Variants in PDGFC observed in about 807,000 individuals in gnomAD.
PDGFC encodes platelet derived growth factor C, also known as platelet-derived growth factor C.
Under a neutral mutation model 35.5 loss-of-function variants are expected in PDGFC, and 12 were observed. The ratio of observed to expected loss-of-function variants is 0.34; its 90% CI spans 0.22 to 0.55. PDGFC has a LOEUF of 0.55. Among genes scored for constraint, PDGFC ranks in the 20% least tolerant of loss-of-function variants. PDGFC has a pLI of 0.91. For synonymous variants in PDGFC, 159 were observed against 148.8 expected (o/e 1.07, Z -0.50); for missense variants, 322 against 412.4 (o/e 0.78, Z 1.90).
intron 1 of PDGFC, among the ~76,000 whole-genome samples, chr4:156,854,118 A>G (rs913710770): frequency 6.6e-6 from 1 of 152,208 alleles, no homozygotes; most frequent in African/African-American, 2.4e-5. Context: ...AGGTACTTAT[A>G]GTAATTTATA....
intron 1 of PDGFC, among the ~76,000 whole-genome samples, chr4:156,896,162 CAT>C (rs1157856490): frequency 6.6e-6 from 1 of 152,026 alleles, no homozygotes; most frequent in African/African-American, 2.4e-5. Context: ...AATTCAGAAA[CAT>C]ATAGAGTATA....
chr4:156,930,254 G>A (rs1357638965), intron 1 of PDGFC, among the ~76,000 whole-genome samples: 1 of 152,100 alleles, frequency 6.6e-6, no homozygotes, highest in Admixed American at 6.5e-5. Flanking sequence ...GATTTTTCCA[G>A]GCAGACCTGT....
At chr4:156,872,310 G>A (rs1457590944) in intron 1 of PDGFC, among the ~76,000 whole-genome samples, 2 of 152,284 alleles carry the variant, frequency 1.3e-5, no homozygotes, top group South Asian at 2.1e-4. Context: ...CTATGGCACA[G>A]AAGACAGGCA....
At chr4:156,858,462 C>G (rs993876519) in intron 1 of PDGFC, among the ~76,000 whole-genome samples, 1 of 151,988 alleles carries the variant, frequency 6.6e-6, no homozygotes, top group Non-Finnish European at 1.5e-5. Flanking sequence ...ATTGCATACA[C>G]ACACAATTGC....
At chr4:156,891,704 TTAAGTAC>T (rs1730515483) in intron 1 of PDGFC, among the ~76,000 whole-genome samples, 1 of 93,202 alleles carries the variant, frequency 1.1e-5, no homozygotes, top group Non-Finnish European at 2.1e-5. Context: ...ATAAATAACA[TTAAGTAC>T]AGATTCAGCT....
chr4:156,867,596 T>C (rs1227442761), intron 1 of PDGFC, among the ~76,000 whole-genome samples: 1 of 152,162 alleles, frequency 6.6e-6, no homozygotes, highest in African/African-American at 2.4e-5. Flanking sequence ...CCACACCCTG[T>C]TGTTACCTTA....
At chr4:156,806,047 C>T (rs1361032020) in intron 3 of PDGFC, among the ~76,000 whole-genome samples, 1 of 151,992 alleles carries the variant, frequency 6.6e-6, no homozygotes, top group African/African-American at 2.4e-5. Context: ...TACTTACATA[C>T]TATACTATAT....
At chr4:156,789,126 C>T (rs1255848533) in intron 3 of PDGFC, among the ~76,000 whole-genome samples, 1 of 152,144 alleles carries the variant, frequency 6.6e-6, no homozygotes, top group African/African-American at 2.4e-5. Flanking sequence ...TCCACTGCTA[C>T]AATCTGAAAA....
chr4:156,969,712 CAAGT>C (rs1444943941), intron 1 of PDGFC, among the ~76,000 whole-genome samples: 1 of 152,138 alleles, frequency 6.6e-6, no homozygotes, highest in African/African-American at 2.4e-5. Context: ...CATGGTTAAT[CAAGT>C]GACAGAATCC....
chr4:156,917,404 C>A (rs1731178169), intron 1 of PDGFC, among the ~76,000 whole-genome samples: 1 of 152,126 alleles, frequency 6.6e-6, no homozygotes, highest in Non-Finnish European at 1.5e-5. Flanking sequence ...GGGCTTTATC[C>A]AGCTACCACC....
chr4:156,897,336 G>C (rs1238809612), intron 1 of PDGFC, among the ~76,000 whole-genome samples: 1 of 127,962 alleles, frequency 7.8e-6, no homozygotes, highest in Non-Finnish European at 1.7e-5. Context: ...ATATGAGAGA[G>C]TGTGTGAGAG....
At chr4:156,936,807 G>C (rs1731694151) in intron 1 of PDGFC, among the ~76,000 whole-genome samples, 1 of 152,186 alleles carries the variant, frequency 6.6e-6, no homozygotes, top group Non-Finnish European at 1.5e-5. Context: ...GTATTGCCTT[G>C]AACTAAGCAG....
intron 2 of PDGFC, among the ~76,000 whole-genome samples, chr4:156,844,580 AAC>A (rs1729280408): frequency 6.6e-6 from 1 of 152,064 alleles, no homozygotes; most frequent in African/African-American, 2.4e-5. Flanking sequence ...CACACATACT[AAC>A]ATGACTGGAC....
In PDGFC at chr4:156,932,183, A is replaced by T. The variant is rs573477516; in HGVS notation, c.118+38603T>A. ...TTACACTTTTAAGGGATTTTTTTTT[A>T]ATTTTCTAAGTGAATACACTTGAGT... On this transcript the variant is annotated intron_variant, in intron 1 of 5. Coordinates refer to ENST00000502773, the MANE Select transcript of PDGFC (RefSeq NM_016205.3). 1.8e-4 allele frequency among the ~76,000 whole-genome samples: 28 copies of T among 151,964 alleles called. No homozygotes were observed. The East Asian group carries it at 5.4e-3, about 29-fold the overall frequency.
intron 2 of PDGFC, among the ~76,000 whole-genome samples, chr4:156,825,593 T>TAATAATAATAAGAAGAAGAAGAAGAAG (rs1267062505): frequency 1.6e-5 from 1 of 62,186 alleles, no homozygotes; most frequent in East Asian, 4.7e-4. Flanking sequence ...ATAATAATAA[T>TAATAATAATAAGAAGAAGAAGAAGAAG]AAGAAGAAGA....
intron 2 of PDGFC, among the ~76,000 whole-genome samples, chr4:156,849,407 G>A (rs755977074): frequency 2.0e-5 from 3 of 152,162 alleles, no homozygotes; most frequent in Non-Finnish European, 2.9e-5. Context: ...TATACCATGA[G>A]ATGAAAATTC....
intron 1 of PDGFC, among the ~76,000 whole-genome samples, chr4:156,945,549 C>A (rs940191085): frequency 6.6e-6 from 1 of 151,336 alleles, no homozygotes; most frequent in Non-Finnish European, 1.5e-5. Flanking sequence ...AGCAGGGGGG[C>A]AAATGAATTT....
intron 1 of PDGFC, among the ~76,000 whole-genome samples, chr4:156,852,483 TTC>T (rs1472581466): frequency 2.0e-5 from 3 of 152,210 alleles, no homozygotes; most frequent in Non-Finnish European, 4.4e-5. Flanking sequence ...CACCAACCTA[TTC>T]TCTGTCTCTC....
intron 1 of PDGFC, among the ~76,000 whole-genome samples, chr4:156,861,905 A>G (rs1300613909): frequency 2.0e-5 from 3 of 152,094 alleles, no homozygotes; most frequent in Non-Finnish European, 4.4e-5. Context: ...CAAAGTAGCA[A>G]TTATTATCCC....
Sources: allele counts gnomAD v4.1 joint callset (sites outside exome capture counted in the v4.1 genomes callset), GRCh38; gene constraint gnomAD v4.1.1; transcripts MANE v1.5; gene names NCBI Gene and HGNC (gene_info 2026-07-23, HGNC 2026-07-21).